Variants in TSPAN14 observed in about 807,000 individuals in gnomAD.
TSPAN14 encodes the protein tetraspanin-14.
TSPAN14 carries 16 observed loss-of-function variants against 36.6 expected under a neutral mutation model. The ratio of observed to expected loss-of-function variants is 0.44; its 90% CI spans 0.30 to 0.66. The LOEUF (loss-of-function observed/expected upper bound fraction) is 0.66, where lower values mean the gene tolerates loss of function less well. Ranked by LOEUF, TSPAN14 falls within the 30% of genes least tolerant of loss-of-function variation. TSPAN14 has a pLI of 0.12. For synonymous variants in TSPAN14, 139 were observed against 143.8 expected (o/e 0.97, Z 0.24); for missense variants, 231 against 355.1 (o/e 0.65, Z 2.81).
chr10:80,513,054 C>T (rs1589304149), intron 6 of TSPAN14, among the ~76,000 whole-genome samples: 2 of 152,160 alleles, frequency 1.3e-5, no homozygotes, highest in East Asian at 1.9e-4. Flanking sequence ...TTGAGCACCA[C>T]ACCTGGCTAA....
chr10:80,501,969 C>T (rs1005771061), intron 2 of TSPAN14, among the ~76,000 whole-genome samples: 1 of 152,156 alleles, frequency 6.6e-6, no homozygotes, highest in Non-Finnish European at 1.5e-5. Context: ...GCTGGGGAGA[C>T]ACAATAGAGA....
chr10:80,497,361 T>C (rs1346697919), intron 2 of TSPAN14, among the ~76,000 whole-genome samples: 2 of 152,230 alleles, frequency 1.3e-5, no homozygotes, highest in African/African-American at 4.8e-5. Context: ...AGACTATGGC[T>C]TGCAGGCCAA....
chr10:80,484,880 A>G (rs1299193821), intron 1 of TSPAN14, among the ~76,000 whole-genome samples: 3 of 152,160 alleles, frequency 2.0e-5, no homozygotes, highest in Admixed American at 6.5e-5. Flanking sequence ...GTATGTGCAT[A>G]TGCCCTTTAA....
intron 3 of TSPAN14, among the ~76,000 whole-genome samples, chr10:80,505,072 C>A (rs1326581076): frequency 1.3e-5 from 2 of 152,198 alleles, no homozygotes; most frequent in East Asian, 3.9e-4. Context: ...GCTTCCTGAC[C>A]CTGTCTGTGC....
At chr10:80,470,499 A>G (rs1188843041) in intron 1 of TSPAN14, among the ~76,000 whole-genome samples, 1 of 152,262 alleles carries the variant, frequency 6.6e-6, no homozygotes, top group African/African-American at 2.4e-5. Flanking sequence ...ATTTTTAAGC[A>G]TCTTACAGCC....
chr10:80,463,300 AGG>A (rs1846074682), intron 1 of TSPAN14, among the ~76,000 whole-genome samples: 1 of 152,192 alleles, frequency 6.6e-6, no homozygotes, highest in East Asian at 1.9e-4. Context: ...ATATTAATTT[AGG>A]TTTAACATTT....
At chr10:80,471,072 A>G (rs917935669) in intron 1 of TSPAN14, among the ~76,000 whole-genome samples, 8 of 151,722 alleles carry the variant, frequency 5.3e-5, no homozygotes, top group African/African-American at 1.7e-4. Context: ...TGCCACCACC[A>G]CCACCTCCTT....
chr10:80,459,163 G>A (rs1845861172), intron 1 of TSPAN14: 2 of 152,110 alleles, frequency 1.3e-5, no homozygotes, highest in Non-Finnish European at 1.5e-5. Flanking sequence ...CACTCAGCAA[G>A]TGTTCACCAG....
intron 1 of TSPAN14, among the ~76,000 whole-genome samples, chr10:80,464,926 T>A (rs183513874): frequency 3.5e-4 from 54 of 152,214 alleles, no homozygotes; most frequent in African/African-American, 1.3e-3. Flanking sequence ...GTGCAACTAT[T>A]GTTGCTGGTA....
chr10:80,466,855 A>C (rs1349324173), intron 1 of TSPAN14, among the ~76,000 whole-genome samples: 1 of 152,206 alleles, frequency 6.6e-6, no homozygotes, highest in Non-Finnish European at 1.5e-5. Flanking sequence ...AAGTCAGTAC[A>C]TGGAAGATAT....
chr10:80,500,517 TG>T (rs962530801), intron 2 of TSPAN14, among the ~76,000 whole-genome samples: 2 of 151,778 alleles, frequency 1.3e-5, no homozygotes, highest in Non-Finnish European at 2.9e-5. Flanking sequence ...TTAGTAGAGA[TG>T]GGGTTTCTCC....
intron 2 of TSPAN14, among the ~76,000 whole-genome samples, chr10:80,501,105 G>GTTTTTTTTTT (rs10713598): frequency 7.1e-6 from 1 of 140,004 alleles, no homozygotes; most frequent in Non-Finnish European, 1.6e-5. Context: ...AACTGACGCT[G>GTTTTTTTTTT]TTTTTTTTTT....
At chr10:80,465,322 G>A (rs1846183416) in intron 1 of TSPAN14, among the ~76,000 whole-genome samples, 1 of 152,184 alleles carries the variant, frequency 6.6e-6, no homozygotes, top group South Asian at 2.1e-4. Context: ...CTCAGCTGCT[G>A]AAAAGCCTGT....
chr10:80,492,982 G>T (rs899670024), intron 2 of TSPAN14, among the ~76,000 whole-genome samples: 1 of 152,154 alleles, frequency 6.6e-6, no homozygotes, highest in Non-Finnish European at 1.5e-5. Context: ...ATGTTTGCAT[G>T]TCTGTTCTGA....
At chr10:80,457,574 G>C (rs1012682081) in intron 1 of TSPAN14, among the ~76,000 whole-genome samples, 1 of 152,244 alleles carries the variant, frequency 6.6e-6, no homozygotes, top group African/African-American at 2.4e-5. Flanking sequence ...CTGGCCCACA[G>C]TGGAACTAAT....
At chr10:80,477,534 G>A (rs1846987861) in intron 1 of TSPAN14, among the ~76,000 whole-genome samples, 1 of 152,172 alleles carries the variant, frequency 6.6e-6, no homozygotes, top group South Asian at 2.1e-4. Flanking sequence ...CAAGCAAAGA[G>A]TACATGAATG....
intron 2 of TSPAN14, among the ~76,000 whole-genome samples, chr10:80,494,019 A>C (rs1048641997): frequency 1.3e-5 from 2 of 152,238 alleles, no homozygotes; most frequent in African/African-American, 4.8e-5. Context: ...GGTTGGATGA[A>C]GTCCTTGCCT....
intron 2 of TSPAN14, among the ~76,000 whole-genome samples, chr10:80,493,607 A>G (rs778050285): frequency 7.2e-5 from 11 of 152,254 alleles, no homozygotes; most frequent in Non-Finnish European, 1.5e-4. Flanking sequence ...CAGCATGGGT[A>G]AACCTTGAGT....
chr10:80,521,451 C>CT (rs1248732541), exon 9 of TSPAN14: 1 of 152,952 alleles, frequency 6.5e-6, no homozygotes, highest in East Asian at 1.9e-4. Context: ...GCTCTAGGGT[C>CT]TTACGGGTGT....
Sources: gnomAD v4.1 joint callset for allele counts (sites outside exome capture counted in the v4.1 genomes callset) on GRCh38, gnomAD v4.1.1 for gene constraint, MANE v1.5 for transcripts, NCBI Gene and HGNC (gene_info 2026-07-23, HGNC 2026-07-21) for gene names.